DNM3: variants seen among roughly 807,000 people sequenced by gnomAD.
The protein encoded by DNM3 is dynamin 3, also known as dynamin-3.
Under a neutral mutation model 101.6 loss-of-function variants are expected in DNM3, and 47 were observed. That is an observed-to-expected ratio of 0.46 (90% CI 0.37 to 0.59). The LOEUF (loss-of-function observed/expected upper bound fraction) is 0.59. Among genes scored for constraint, DNM3 ranks in the 20% least tolerant of loss-of-function variants. The pLI, the probability that DNM3 is intolerant of heterozygous loss-of-function variation, is 0.00. For synonymous variants in DNM3, 385 were observed against 387.9 expected (o/e 0.99, Z 0.09); for missense variants, 849 against 1,085.7 (o/e 0.78, Z 3.06).
intron 12 of DNM3, among the ~76,000 whole-genome samples, chr1:172,086,468 A>T (rs2053539084): frequency 2.6e-5 from 4 of 152,186 alleles, no homozygotes; most frequent in Admixed American, 2.0e-4. Context: ...GAGATGATGG[A>T]ACTATTGTAT....
At chr1:172,225,139 T>A (rs1253053434) in intron 14 of DNM3, among the ~76,000 whole-genome samples, 2 of 135,862 alleles carry the variant, frequency 1.5e-5, no homozygotes, top group African/African-American at 5.6e-5. Context: ...TTCCTCTTTT[T>A]TTTTTTTTTT....
intron 1 of DNM3, among the ~76,000 whole-genome samples, chr1:171,918,095 A>G (rs1425195545): frequency 6.6e-6 from 1 of 152,198 alleles, no homozygotes; most frequent in Non-Finnish European, 1.5e-5. Flanking sequence ...TGTGGCTCCT[A>G]TCTCCAAATT....
chr1:171,910,696 A>G (rs1354182470), intron 1 of DNM3, among the ~76,000 whole-genome samples: 1 of 152,224 alleles, frequency 6.6e-6, no homozygotes, highest in Non-Finnish European at 1.5e-5. Context: ...AAATGATGAC[A>G]ATGATAGTAA....
intron 14 of DNM3, among the ~76,000 whole-genome samples, chr1:172,165,035 C>A (rs978088753): frequency 6.6e-6 from 1 of 152,056 alleles, no homozygotes; most frequent in African/African-American, 2.4e-5. Flanking sequence ...ACCAAGAGTA[C>A]AATGTAGTCT....
intron 1 of DNM3, among the ~76,000 whole-genome samples, chr1:171,852,172 T>A (rs1015821802): frequency 3.9e-5 from 6 of 152,236 alleles, no homozygotes; most frequent in African/African-American, 1.4e-4. Context: ...ATACATTATA[T>A]TTATACCACA....
intron 2 of DNM3, among the ~76,000 whole-genome samples, chr1:171,958,525 G>A (rs1418769931): frequency 2.0e-5 from 3 of 152,198 alleles, no homozygotes; most frequent in Non-Finnish European, 2.9e-5. Flanking sequence ...GTCTGTGTGA[G>A]TTTAGGTTGG....
chr1:171,915,218 AAAAT>A (rs1305112217), intron 1 of DNM3, among the ~76,000 whole-genome samples: 1 of 152,192 alleles, frequency 6.6e-6, no homozygotes, highest in Non-Finnish European at 1.5e-5. Flanking sequence ...GTTCAGAAAT[AAAAT>A]ATTTTGTAAG....
At position 172,068,848 on chromosome 1, in the gene DNM3, A is replaced by C; in HGVS notation, c.1365A>C (p.Glu455Asp). ...CAAACTTCCCCAGACTCTGCGAGGA[A>C]ACGGAAAGGATTGTTGCTAACCACA... ...KLANFPRLCE[E>D]TERIVANHIR... The change falls in exon 11 of 21, where the codon GAA becomes GAC. Residue 455 changes from glutamate (E) to aspartate (D), a missense_variant. Physicochemically the swap from Glu to Asp is conservative, Grantham distance 45. Transcript: ENST00000627582. 6.3e-7 allele frequency: 1 copy of C among 1,575,188 alleles called. No homozygotes were observed. Among genetic ancestry groups the C allele is most frequent in the East Asian group, 2.3e-5 (1 of 43,096 alleles).
intron 15 of DNM3, among the ~76,000 whole-genome samples, chr1:172,283,780 A>AAAAAAAAAAAAAAAGAAAG (rs1553221113): frequency 5.9e-5 from 7 of 119,082 alleles, no homozygotes; most frequent in African/African-American, 6.8e-5. Flanking sequence ...AAAAAAAAAA[A>AAAAAAAAAAAAAAAGAAAG]AAAGAAAGAA....
intron 17 of DNM3, among the ~76,000 whole-genome samples, chr1:172,351,367 T>C (rs113617963): frequency 0.067 from 10,169 of 152,244 alleles, 392 homozygotes; most frequent in South Asian, 0.14. Flanking sequence ...TTTCTCCAAA[T>C]ATTTGTTAAA....
intron 10 of DNM3, among the ~76,000 whole-genome samples, chr1:172,059,560 T>C (rs2125905871): frequency 1.1e-5 from 1 of 87,254 alleles, no homozygotes; most frequent in African/African-American, 5.3e-5. Context: ...TCAATAAATG[T>C]AATCCAGCAT....
chr1:172,063,815 A>G (rs1421644459), intron 10 of DNM3, among the ~76,000 whole-genome samples: 1 of 151,898 alleles, frequency 6.6e-6, no homozygotes, highest in Admixed American at 6.6e-5. Flanking sequence ...ATGCAATTTG[A>G]ACTATAAGCT....
At chr1:172,022,171 C>G (rs1282760979) in intron 4 of DNM3, among the ~76,000 whole-genome samples, 1 of 152,016 alleles carries the variant, frequency 6.6e-6, no homozygotes, top group African/African-American at 2.4e-5. Context: ...ATTTTCCTCT[C>G]CAAGTCTCAC....
At chr1:172,216,996 T>C (rs1015714408) in intron 14 of DNM3, among the ~76,000 whole-genome samples, 2 of 152,142 alleles carry the variant, frequency 1.3e-5, no homozygotes, top group Non-Finnish European at 2.9e-5. Flanking sequence ...TTTCAAAAAT[T>C]AGGTCATTTA....
intron 14 of DNM3, among the ~76,000 whole-genome samples, chr1:172,150,514 T>C (rs185069316): frequency 2.4e-4 from 37 of 152,292 alleles, no homozygotes; most frequent in South Asian, 1.5e-3. Context: ...AGTTAGTTAG[T>C]ATTTTGTTTT....
chr1:172,057,508 C>G (rs1304382721), intron 10 of DNM3, among the ~76,000 whole-genome samples: 1 of 152,204 alleles, frequency 6.6e-6, no homozygotes, highest in Non-Finnish European at 1.5e-5. Context: ...AGCAGAAACT[C>G]TACAAGCCAG....
intron 20 of DNM3, among the ~76,000 whole-genome samples, chr1:172,401,957 G>A (rs2070521594): frequency 6.6e-6 from 1 of 152,160 alleles, no homozygotes; most frequent in Admixed American, 6.5e-5. Flanking sequence ...ACAAGAAGAA[G>A]TAGGGGTCCT....
chr1:172,023,182 A>G (rs948500481), intron 4 of DNM3, among the ~76,000 whole-genome samples: 2 of 152,112 alleles, frequency 1.3e-5, no homozygotes, highest in Non-Finnish European at 2.9e-5. Context: ...CTGTTCTCTC[A>G]TTCCCATAGA....
At chr1:172,037,113 T>G (rs371377606) in intron 6 of DNM3, among the ~76,000 whole-genome samples, 14 of 152,140 alleles carry the variant, frequency 9.2e-5, no homozygotes, top group South Asian at 8.3e-4. Context: ...CCAGTTAGAA[T>G]GGCAATCATT....
Sources: allele counts gnomAD v4.1 joint callset (sites outside exome capture counted in the v4.1 genomes callset), GRCh38; gene constraint gnomAD v4.1.1; transcripts MANE v1.5; gene names NCBI Gene and HGNC (gene_info 2026-07-23, HGNC 2026-07-21).